PRTN3: variants seen among roughly 807,000 people sequenced by gnomAD.
PRTN3 encodes myeloblastin.
Under a neutral mutation model 20.7 loss-of-function variants are expected in PRTN3, and 22 were observed. That is an observed-to-expected ratio of 1.06 (90% CI 0.76 to 1.52). The LOEUF (loss-of-function observed/expected upper bound fraction) is 1.52. PRTN3 is among the 40% of genes most tolerant of loss of function. The pLI is 0.00. For missense variants in PRTN3, 378 were observed against 359.6 expected (o/e 1.05, Z -0.41); for synonymous variants, 173 against 152.9 (o/e 1.13, Z -0.97).
At chr19:845,092 C>A (rs1370350747) in intron 3 of PRTN3, among the ~76,000 whole-genome samples, 1 of 151,808 alleles carries the variant, frequency 6.6e-6, no homozygotes, top group Non-Finnish European at 1.5e-5. Flanking sequence ...GGATTACAGG[C>A]ATGCACCAAC....
At chr19:843,840 T>C in intron 2 of PRTN3, 53 bp from the exon 3 acceptor site, 1 of 1,530,878 alleles carries the variant, frequency 6.5e-7, no homozygotes, top group East Asian at 2.4e-5. Context: ...GGGCCGGCTG[T>C]GGGCGGCGGC....
At chr19:847,060 C>T (rs140001757) in intron 4 of PRTN3, among the ~76,000 whole-genome samples, 2,789 of 152,194 alleles carry the variant, frequency 0.018, 38 homozygotes, top group African/African-American at 0.037. Context: ...AATCTCAGCA[C>T]TTTGGGAGGC....
At position 847,888 on chromosome 19, in the gene PRTN3, T is replaced by C; in HGVS notation, c.690T>C (p.Pro230=). 6.2e-7 allele frequency: 1 copy of C among 1,608,616 alleles called. No individual in the cohort carries two copies. Among genetic ancestry groups the C allele is most frequent in the East Asian group, 2.2e-5 (1 of 44,836 alleles). The stretch of plus-strand genomic sequence containing the variant: ...GGGGATGTGCCACCCGCCTTTTCCC[T>C]GACTTCTTCACGCGGGTAGCCCTCT... ...VIWGCATRLF[P]DFFTRVALYV... The change falls in exon 5 of 5, where the codon CCT becomes CCC. Residue 230 remains proline, a synonymous_variant. Coordinates refer to ENST00000234347, the MANE Select transcript of PRTN3 (RefSeq NM_002777.4).
At chr19:847,503 AAAG>A (rs929138625) in intron 4 of PRTN3, among the ~76,000 whole-genome samples, 5 of 151,640 alleles carry the variant, frequency 3.3e-5, no homozygotes, top group Non-Finnish European at 5.9e-5. Context: ...AGAGAGAAAG[AAAG>A]AAGAAAGAAA....
chr19:843,534 G>A lies in PRTN3; in HGVS notation c.135G>A (p.Leu45=). The stretch of plus-strand genomic sequence containing the variant: ...ACTCCCGGCCCTACATGGCCTCCCT[G>A]CAGATGCGGGGGAACCCGGGCAGCC... ...QPHSRPYMAS[L]QMRGNPGSHF... The change falls in exon 2 of 5, where the codon CTG becomes CTA. Residue 45 remains leucine (L), a synonymous_variant. Transcript: ENST00000234347. The A allele has an allele frequency of 6.3e-7, 1 of 1,596,304 alleles. No homozygotes were observed. Among genetic ancestry groups the A allele is most frequent in the Non-Finnish European group, 8.5e-7 (1 of 1,174,118 alleles).
chr19:846,703 T>C lies in PRTN3; in HGVS notation c.600+326T>C, dbSNP rs567163829. ...AGGTATCCAGCGGGAGGCCCATAAA[T>C]GCCCAGTTCCTACGAAAGACCTCAG... On this transcript the variant is annotated intron_variant, in intron 4 of 4. Coordinates refer to ENST00000234347, the MANE Select transcript of PRTN3 (RefSeq NM_002777.4). 2.3e-3 allele frequency among the ~76,000 whole-genome samples: 344 copies of C among 152,190 alleles called. 3 individuals carry two copies. Among genetic ancestry groups the C allele is most frequent in the African/African-American group, 8.0e-3 (334 of 41,522 alleles).
intron 1 of PRTN3, among the ~76,000 whole-genome samples, chr19:842,008 T>C (rs960507521): frequency 6.8e-6 from 1 of 147,688 alleles, no homozygotes; most frequent in Non-Finnish European, 1.5e-5. Context: ...ATTACAGGCG[T>C]GAGCCACCGC....
At chr19:844,766 T>C (rs2035495574) in intron 3 of PRTN3, among the ~76,000 whole-genome samples, 1 of 151,326 alleles carries the variant, frequency 6.6e-6, no homozygotes, top group Non-Finnish European at 1.5e-5. Context: ...GTTATTGGAC[T>C]CATGTGGCTT....
In PRTN3 at chr19:847,993, C is replaced by G. The variant is rs12985970; in HGVS notation, c.*24C>G. 2.5e-6 allele frequency: 4 copies of G among 1,579,132 alleles called. No homozygotes were observed. The highest frequency in any genetic ancestry group is 2.6e-6 in the Non-Finnish European group (3 of 1,163,958). On this transcript the variant is annotated 3_prime_UTR_variant, in exon 5 of 5. Transcript: ENST00000234347. ...GAACCGCCCCTCCCACAGCGCTGGCCGGGACCCCGAGCCTGGCTCCAAACC... is the reference window on the plus strand; with the variant it reads ...GAACCGCCCCTCCCACAGCGCTGGCGGGGACCCCGAGCCTGGCTCCAAACC...
chr19:842,457 T>C (rs1018070752), intron 1 of PRTN3, among the ~76,000 whole-genome samples: 3 of 129,854 alleles, frequency 2.3e-5, no homozygotes, highest in Non-Finnish European at 3.2e-5. Flanking sequence ...TCTCACTCTG[T>C]TGCCCAGGCT....
At chr19:845,001 G>A (rs2035498517) in intron 3 of PRTN3, among the ~76,000 whole-genome samples, 1 of 147,750 alleles carries the variant, frequency 6.8e-6, no homozygotes, top group African/African-American at 2.5e-5. Context: ...AGGCTGGAGT[G>A]CAGTGGTGCA....
At chr19:845,678 C>T (rs995969823) in intron 3 of PRTN3, among the ~76,000 whole-genome samples, 1 of 150,304 alleles carries the variant, frequency 6.7e-6, no homozygotes, top group African/African-American at 2.5e-5. Flanking sequence ...TGTGCCACTG[C>T]ACTCTAGCCT....
At chr19:846,009 G>T in intron 3 of PRTN3, 138 bp from the exon 4 acceptor site, 1 of 568,876 alleles carries the variant, frequency 1.8e-6, no homozygotes, top group Non-Finnish European at 3.0e-6. Flanking sequence ...GGACAAAGGG[G>T]GTCGTGGGGC....
At position 841,029 on chromosome 19, in the gene PRTN3, C is replaced by T. The variant is rs371210767; in HGVS notation, c.21C>T (p.Ser7=). ...CCACCATGGCTCACCGGCCCCCCAG[C>T]CCTGCCCTGGCGTCCGTGCTGCTGG... MAHRPP[S]PALASVLLAL... Residue 7 remains serine (S), a synonymous_variant, in exon 1 of 5, where the codon AGC becomes AGT. Coordinates refer to ENST00000234347, the MANE Select transcript of PRTN3 (RefSeq NM_002777.4). 20 of 1,608,846 alleles carry T rather than the reference C, an allele frequency of 1.2e-5. No homozygotes were observed. The African/African-American group carries it at 2.4e-4, about 19-fold the overall frequency.
At chr19:844,150 C>CAGT in intron 3 of PRTN3, 116 bp downstream of exon 3, 1 of 1,349,860 alleles carries the variant, frequency 7.4e-7, no homozygotes, top group Non-Finnish European at 9.9e-7. Flanking sequence ...CGACCGAGGC[C>CAGT]GCTGCAGCCT....
At chr19:846,054 GGTGGTGGGT>G (rs551839050) in intron 3 of PRTN3, 84 bp from the exon 4 acceptor site, 477 of 929,022 alleles carry the variant, frequency 5.1e-4, no homozygotes, top group African/African-American at 4.4e-3. Flanking sequence ...GGCGTTTTGA[GGTGGTGGGT>G]GTGGTGGGTG....
At position 843,410 on chromosome 19, in the gene PRTN3, C is replaced by G. The variant is rs541776339; in HGVS notation, c.62-51C>G. ...GCCCAGGGGCTGCTCTGCCATCCCCCCTTTCCCTGCAGCCTGGGGGCTCCC... is the reference window on the plus strand; with the variant it reads ...GCCCAGGGGCTGCTCTGCCATCCCCGCTTTCCCTGCAGCCTGGGGGCTCCC... On this transcript the variant is annotated intron_variant, in intron 1 of 4. Coordinates refer to ENST00000234347, the MANE Select transcript of PRTN3 (RefSeq NM_002777.4). The G allele has an allele frequency of 5.8e-5, 86 of 1,492,856 alleles. No homozygotes were observed. The East Asian group carries it at 1.8e-3, about 32-fold the overall frequency. The allele number at this position is 1,492,856 out of a possible 1,614,324, so 92.5% of individuals were successfully genotyped here. A position where few individuals can be genotyped will look rare whatever the true frequency, so the allele number is the denominator to read the frequency against.
rs1157601952 is a variant in PRTN3 at position 843,527 on chromosome 19, C to G, written c.128C>G (p.Ala43Gly). ...EAQPHSRPYM[A>G]SLQMRGNPGS... ...CAGCCACACTCCCGGCCCTACATGG[C>G]CTCCCTGCAGATGCGGGGGAACCCG... Residue 43 changes from alanine to glycine, a missense_variant, in exon 2 of 5, where the codon GCC becomes GGC. Ala to Gly is a moderately conservative substitution (Grantham distance 60). Transcript: ENST00000234347. 1 of 1,594,162 alleles carries G rather than the reference C, an allele frequency of 6.3e-7. No homozygotes were observed. Among genetic ancestry groups the G allele is most frequent in the Non-Finnish European group, 8.5e-7 (1 of 1,173,172 alleles).
chr19:841,178 G>A, intron 1 of PRTN3, 109 bp downstream of exon 1: 1 of 1,413,280 alleles, frequency 7.1e-7, no homozygotes, highest in South Asian at 1.3e-5. Context: ...TGGGGAAACT[G>A]AGGCAGGGTC....
Sources: gnomAD v4.1 joint callset for allele counts (sites outside exome capture counted in the v4.1 genomes callset) on GRCh38, gnomAD v4.1.1 for gene constraint, MANE v1.5 for transcripts, NCBI Gene and HGNC (gene_info 2026-07-23, HGNC 2026-07-21) for gene names.